CLOCK: variants seen among roughly 807,000 people sequenced by gnomAD.
CLOCK encodes clock circadian regulator, also known as circadian locomoter output cycles protein kaput.
CLOCK carries 43 observed loss-of-function variants against 118.4 expected under a neutral mutation model. The ratio of observed to expected loss-of-function variants is 0.36; its 90% CI spans 0.28 to 0.47. CLOCK has a LOEUF of 0.47. Ranked by LOEUF, CLOCK falls within the 20% of genes least tolerant of loss-of-function variation. The pLI is 1.00. For missense variants in CLOCK, 846 were observed against 999.9 expected (o/e 0.85, Z 2.08); for synonymous variants, 326 against 339.2 (o/e 0.96, Z 0.43).
Position 55,525,782 on chromosome 4 carries a change from T to A in CLOCK, c.-289-15717A>T, listed in dbSNP as rs966080540. ...ACCACACCTGGCCAAATAAAAAAAT[T>A]TTTTAAAGTATATGTTACCTTTCTA... On this transcript the variant is annotated intron_variant, in intron 1 of 22. Coordinates refer to ENST00000513440, the MANE Select transcript of CLOCK (RefSeq NM_004898.4). Among the ~76,000 whole-genome samples the A allele has an allele frequency of 3.3e-5, 5 of 151,872 alleles. No homozygotes were observed. In the East Asian group the frequency reaches 7.7e-4, roughly 24 times the overall value.
chr4:55,485,161 C>T (rs530620055), intron 3 of CLOCK, among the ~76,000 whole-genome samples: 17 of 152,188 alleles, frequency 1.1e-4, no homozygotes, highest in Admixed American at 5.2e-4. Flanking sequence ...GATGGGGTTT[C>T]ACCATATTGG....
At chr4:55,440,856 C>G (rs1723309928) in intron 21 of CLOCK, among the ~76,000 whole-genome samples, 1 of 152,154 alleles carries the variant, frequency 6.6e-6, no homozygotes, top group Non-Finnish European at 1.5e-5. Flanking sequence ...CACCCACATC[C>G]AAAGCCAAGC....
At chr4:55,530,243 C>T (rs1025260951) in intron 1 of CLOCK, among the ~76,000 whole-genome samples, 4 of 151,844 alleles carry the variant, frequency 2.6e-5, no homozygotes, top group Admixed American at 6.6e-5. Context: ...TCTTTGTGAG[C>T]GAGGGAAAGG....
In CLOCK at chr4:55,482,766, C is replaced by T; in HGVS notation, c.20G>A (p.Cys7Tyr). 5 of 1,609,682 alleles carry T rather than the reference C, an allele frequency of 3.1e-6. No individual in the cohort carries two copies. The highest frequency in any genetic ancestry group is 3.3e-4 in the Middle Eastern group (2 of 6,036). The change falls in exon 4 of 23, where the codon TGT becomes TAT. Residue 7 changes from cysteine (C) to tyrosine (Y), a missense_variant. Cys to Tyr is a radical substitution (Grantham distance 194). Around this residue, in one of 4 missense-constraint regions of CLOCK, gnomAD observed 246 missense variants for 300.2 expected, o/e 0.82. Coordinates refer to ENST00000513440, the MANE Select transcript of CLOCK (RefSeq NM_004898.4). ...GTCAACAATCGAGCTCATTTTACTA[C>T]AGCTTACGGTAAACAACATAACATA... MLFTVS[C>Y]SKMSSIVDRD...
At chr4:55,484,877 C>CA (rs1339683201) in intron 3 of CLOCK, among the ~76,000 whole-genome samples, 1 of 152,140 alleles carries the variant, frequency 6.6e-6, no homozygotes, top group Non-Finnish European at 1.5e-5. Context: ...CAGGCTGATG[C>CA]TTTATTAGGC....
intron 2 of CLOCK, among the ~76,000 whole-genome samples, chr4:55,503,429 T>C (rs888980932): frequency 4.6e-5 from 7 of 152,158 alleles, no homozygotes; most frequent in Non-Finnish European, 8.8e-5. Context: ...ATAGTTATCT[T>C]TGGGAGTGTG....
intron 2 of CLOCK, among the ~76,000 whole-genome samples, chr4:55,498,517 A>T (rs559524462): frequency 6.6e-6 from 1 of 152,092 alleles, no homozygotes; most frequent in Non-Finnish European, 1.5e-5. Flanking sequence ...GCAATATATA[A>T]TTTATACATA....
chr4:55,496,176 G>A (rs115267894), intron 2 of CLOCK, among the ~76,000 whole-genome samples: 154 of 151,480 alleles, frequency 1.0e-3, no homozygotes, highest in African/African-American at 3.3e-3. Flanking sequence ...GTGACAGAGC[G>A]AGAGGTCGTC....
At chr4:55,519,633 C>T (rs559686933) in intron 1 of CLOCK, among the ~76,000 whole-genome samples, 1 of 152,024 alleles carries the variant, frequency 6.6e-6, no homozygotes, top group South Asian at 2.1e-4. Flanking sequence ...CAAAAATTAG[C>T]CGGGCGTGGT....
At chr4:55,489,569 A>G (rs1296611693) in intron 2 of CLOCK, 104 bp from the exon 3 acceptor site, 1 of 152,174 alleles carries the variant, frequency 6.6e-6, no homozygotes, top group East Asian at 1.9e-4. Flanking sequence ...GAACTGTCAC[A>G]AAAATGTATA....
intron 14 of CLOCK, chr4:55,453,352 A>G (rs1386734798): frequency 5.9e-6 from 3 of 508,584 alleles, no homozygotes; most frequent in Non-Finnish European, 1.0e-5. Flanking sequence ...TAACCACACA[A>G]TACTTAAATT....
chr4:55,430,418 C>G lies in CLOCK; in HGVS notation c.*4997G>C, dbSNP rs1204637447. On this transcript the variant is annotated 3_prime_UTR_variant, in exon 23 of 23. Transcript: ENST00000513440. ...GGGAAAAAACTATGCAAAACAGTCA[C>G]ATGGAAAGAAAGTATTTTAATTTTT... 5 of 152,138 alleles carry G rather than the reference C, an allele frequency of 3.3e-5. No homozygotes were observed. Among genetic ancestry groups the G allele is most frequent in the Admixed American group, 6.6e-5 (1 of 15,262 alleles). 9.4% of individuals were successfully genotyped at this position (152,138 alleles called of 1,614,324 possible). A position where few individuals can be genotyped will look rare whatever the true frequency, so the allele number is the denominator to read the frequency against.
chr4:55,458,339 G>C (rs1725061136), intron 11 of CLOCK, among the ~76,000 whole-genome samples: 1 of 152,094 alleles, frequency 6.6e-6, no homozygotes, highest in Non-Finnish European at 1.5e-5. Flanking sequence ...TGGGATTACA[G>C]GCATGAGTCA....
At chr4:55,474,227 G>A (rs1398382398) in intron 7 of CLOCK, among the ~76,000 whole-genome samples, 2 of 152,178 alleles carry the variant, frequency 1.3e-5, no homozygotes, top group South Asian at 2.1e-4. Flanking sequence ...TGAGTGGTCT[G>A]TACAGAAGAT....
In CLOCK at chr4:55,448,601, CGTGTGTGTGTGTGTGTGTGT is replaced by C. The variant is rs3034980; in HGVS notation, c.1539+158_1539+177del. On this transcript the variant is annotated intron_variant, in intron 18 of 22. Transcript: ENST00000513440. ...ATATATGTGCGCGCGCGCACGCGCG[CGTGTGTGTGTGTGTGTGTGT>C]GTGTGTGTGTGTGTGTGTGTGTGCT... Among the ~76,000 whole-genome samples the C allele has an allele frequency of 2.4e-4, 28 of 116,980 alleles. 1 individual carries two copies. The highest frequency in any genetic ancestry group is 7.8e-4 in the African/African-American group (25 of 32,030). The allele number at this position is 116,980 out of a possible 152,430, so 76.7% of individuals were successfully genotyped here.
chr4:55,510,333 A>T (rs542528513), intron 1 of CLOCK, among the ~76,000 whole-genome samples: 13 of 152,326 alleles, frequency 8.5e-5, no homozygotes, highest in African/African-American at 2.9e-4. Flanking sequence ...ATTGGTTAGA[A>T]AAGTTCTCCT....
intron 17 of CLOCK, 143 bp from the exon 18 acceptor site, chr4:55,449,011 T>C (rs6811520): frequency 0.69 from 471,727 of 683,606 alleles, 164,981 homozygotes; most frequent in African/African-American, 0.83. Flanking sequence ...CTATGTCTTC[T>C]CATCTATATT....
At chr4:55,538,054 GA>G (rs1731016303) in intron 1 of CLOCK, among the ~76,000 whole-genome samples, 1 of 152,096 alleles carries the variant, frequency 6.6e-6, no homozygotes, top group Admixed American at 6.5e-5. Context: ...ACTAATCAGG[GA>G]AAAGGGGAGC....
intron 1 of CLOCK, among the ~76,000 whole-genome samples, chr4:55,531,472 C>T (rs544075683): frequency 7.2e-5 from 11 of 151,732 alleles, no homozygotes; most frequent in Admixed American, 2.0e-4. Context: ...TTTGGGAGGC[C>T]GAGAAGGGTG....
Sources: allele counts gnomAD v4.1 joint callset (sites outside exome capture counted in the v4.1 genomes callset), GRCh38; gene constraint gnomAD v4.1.1; regional missense constraint gnomAD v4.1.1; transcripts MANE v1.5; gene names NCBI Gene and HGNC (gene_info 2026-07-23, HGNC 2026-07-21).